The following STARD13 variants were observed in gnomAD, a reference collection of about 807,000 sequenced individuals.
STARD13 encodes StAR related lipid transfer domain containing 13, also known as stAR-related lipid transfer protein 13.
Under a neutral mutation model 106.4 loss-of-function variants are expected in STARD13, and 62 were observed. The ratio of observed to expected loss-of-function variants is 0.58; its 90% CI spans 0.48 to 0.72. The LOEUF (loss-of-function observed/expected upper bound fraction) is 0.72, where lower values mean the gene tolerates loss of function less well. STARD13 is among the 30% of genes least tolerant of loss of function. The pLI is 0.00. For synonymous variants in STARD13, 565 were observed against 553.0 expected (o/e 1.02, Z -0.31); for missense variants, 1,387 against 1,424.0 (o/e 0.97, Z 0.42).
chr13:33,465,802 C>T, the STARD13 span, among the ~76,000 whole-genome samples: 1 of 152,068 alleles, frequency 6.6e-6, no homozygotes, highest in Non-Finnish European at 1.5e-5. Flanking sequence ...TATACCAGTC[C>T]ATGTAAGGAT....
At chr13:33,226,303 T>C (rs1285225956) in intron 1 of STARD13, among the ~76,000 whole-genome samples, 1 of 152,218 alleles carries the variant, frequency 6.6e-6, no homozygotes, top group Admixed American at 6.5e-5. Context: ...TATAAATAAG[T>C]TGTTCTTTTG....
chr13:33,228,763 C>CT (rs1051551332), intron 1 of STARD13, among the ~76,000 whole-genome samples: 21 of 152,120 alleles, frequency 1.4e-4, no homozygotes, highest in African/African-American at 4.6e-4. Context: ...CTGTGAAGAG[C>CT]TTTTTTCCCC....
At chr13:33,426,561 C>A in the STARD13 span, among the ~76,000 whole-genome samples, 2 of 152,166 alleles carry the variant, frequency 1.3e-5, no homozygotes, top group African/African-American at 4.8e-5. Context: ...TCATTATAAG[C>A]ATTGGGCTAT....
the STARD13 span, among the ~76,000 whole-genome samples, chr13:33,664,121 C>T: frequency 6.6e-6 from 1 of 152,162 alleles, no homozygotes; most frequent in African/African-American, 2.4e-5. Flanking sequence ...GAATCCTTTC[C>T]AGTTGCCACT....
At chr13:33,515,170 C>T in the STARD13 span, among the ~76,000 whole-genome samples, 1 of 152,138 alleles carries the variant, frequency 6.6e-6, no homozygotes, top group South Asian at 2.1e-4. Context: ...TTTCAAATGT[C>T]CTCACAAGGT....
the STARD13 span, among the ~76,000 whole-genome samples, chr13:33,457,570 G>A: frequency 6.6e-6 from 1 of 152,180 alleles, no homozygotes; most frequent in Non-Finnish European, 1.5e-5. Context: ...CATTCGGGCT[G>A]CTATACTAAA....
chr13:33,109,826 G>T, intron 12 of STARD13, 47 bp downstream of exon 12: 2 of 1,585,976 alleles, frequency 1.3e-6, no homozygotes, highest in Non-Finnish European at 1.7e-6. Flanking sequence ...TACAGTTCGC[G>T]TCCTGCCTTT....
At chr13:33,237,441 C>G (rs887698260) in intron 1 of STARD13, among the ~76,000 whole-genome samples, 8 of 152,140 alleles carry the variant, frequency 5.3e-5, no homozygotes, top group Non-Finnish European at 1.2e-4. Flanking sequence ...TGTAAACGAG[C>G]CTCAATTTAT....
chr13:33,585,395 G>GA, the STARD13 span, among the ~76,000 whole-genome samples: 79 of 151,894 alleles, frequency 5.2e-4, no homozygotes, highest in African/African-American at 1.8e-3. Context: ...ACAAATGAAT[G>GA]AAAAAAAAGT....
chr13:33,135,007 G>T (rs1178921621), intron 4 of STARD13, among the ~76,000 whole-genome samples: 2 of 152,202 alleles, frequency 1.3e-5, no homozygotes, highest in Non-Finnish European at 2.9e-5. Flanking sequence ...AGACTCAAAA[G>T]GTCAGTGCCC....
the STARD13 span, among the ~76,000 whole-genome samples, chr13:33,662,558 A>T: frequency 2.6e-5 from 4 of 152,218 alleles, no homozygotes; most frequent in African/African-American, 9.7e-5. Flanking sequence ...TCCACAAATC[A>T]AACCCTGCAC....
chr13:33,218,963 G>A (rs1224504535), intron 1 of STARD13, among the ~76,000 whole-genome samples: 1 of 152,080 alleles, frequency 6.6e-6, no homozygotes. Context: ...GAACCTAAAG[G>A]TAAACCTAGA....
chr13:33,259,387 A>G (rs140010776), intron 1 of STARD13, among the ~76,000 whole-genome samples: 1 of 152,340 alleles, frequency 6.6e-6, no homozygotes, highest in African/African-American at 2.4e-5. Flanking sequence ...AAGAATGTGC[A>G]CAGGAATAAA....
the STARD13 span, among the ~76,000 whole-genome samples, chr13:33,571,942 G>A: frequency 6.6e-6 from 1 of 152,066 alleles, no homozygotes; most frequent in African/African-American, 2.4e-5. Context: ...AAATAACCAG[G>A]GAATTTGCTA....
intron 1 of STARD13, among the ~76,000 whole-genome samples, chr13:33,310,980 A>AC (rs1480102629): frequency 6.6e-6 from 1 of 152,144 alleles, no homozygotes; most frequent in Non-Finnish European, 1.5e-5. Flanking sequence ...ATCTAGACAT[A>AC]GAAAAGGTAC....
chr13:33,469,173 G>A, the STARD13 span, among the ~76,000 whole-genome samples: 1 of 152,094 alleles, frequency 6.6e-6, no homozygotes, highest in Non-Finnish European at 1.5e-5. Context: ...CTATAAGGAA[G>A]ATATTATTAC....
the STARD13 span, among the ~76,000 whole-genome samples, chr13:33,450,895 T>G: frequency 6.6e-6 from 1 of 152,164 alleles, no homozygotes; most frequent in African/African-American, 2.4e-5. Context: ...TGTATGTTTT[T>G]TAAAAGAGAC....
At chr13:33,338,409 T>C (rs2077920688) in intron 1 of STARD13, among the ~76,000 whole-genome samples, 1 of 152,184 alleles carries the variant, frequency 6.6e-6, no homozygotes, top group Non-Finnish European at 1.5e-5. Flanking sequence ...TGCAGATGAA[T>C]TCTCATTTGC....
At chr13:33,128,620 G>C (rs1202187637) in intron 5 of STARD13, among the ~76,000 whole-genome samples, 2 of 152,156 alleles carry the variant, frequency 1.3e-5, no homozygotes, top group Non-Finnish European at 2.9e-5. Context: ...CTGGGTATTG[G>C]TTATCCAGGA....
Sources: allele counts gnomAD v4.1 joint callset (sites outside exome capture counted in the v4.1 genomes callset), GRCh38; gene constraint gnomAD v4.1.1; transcripts MANE v1.5; gene names NCBI Gene and HGNC (gene_info 2026-07-23, HGNC 2026-07-21).